SLC67A1: variants seen among roughly 807,000 people sequenced by gnomAD.
The protein encoded by SLC67A1 is solute carrier family 67 member 1, also known as solute carrier family 67 member A1.
the SLC67A1 span, chr11:2,916,629 T>G: frequency 1.2e-6 from 2 of 1,611,848 alleles, no homozygotes; most frequent in Non-Finnish European, 1.7e-6. Flanking sequence ...CAGGATTCAG[T>G]GCCCGGCCAT....
At chr11:2,924,536 G>A in the SLC67A1 span, among the ~76,000 whole-genome samples, 3 of 152,330 alleles carry the variant, frequency 2.0e-5, no homozygotes, top group African/African-American at 7.2e-5. This position sits in a 1 kb window ranked among gnomAD's most constrained non-coding sequence, Gnocchi z 8.6. Flanking sequence ...CTGGGAAAGA[G>A]CCGTGAGAGC....
chr11:2,902,411 C>T, the SLC67A1 span: 1 of 182,140 alleles, frequency 5.5e-6, no homozygotes, highest in Non-Finnish European at 1.0e-5. Context: ...CCCCGAACCC[C>T]GAACTCCGGC....
At chr11:2,902,617 T>G in the SLC67A1 span, 2 of 985,248 alleles carry the variant, frequency 2.0e-6, no homozygotes, top group Non-Finnish European at 2.4e-6. Flanking sequence ...GCTGTTAATG[T>G]GGCAAAATTT....
the SLC67A1 span, among the ~76,000 whole-genome samples, chr11:2,904,856 G>C: frequency 1.3e-5 from 2 of 152,220 alleles, no homozygotes; most frequent in Non-Finnish European, 2.9e-5. Flanking sequence ...AGAGTGGCTA[G>C]AGTGGACCGG....
At chr11:2,925,219 G>A in the SLC67A1 span, 139 of 1,605,212 alleles carry the variant, frequency 8.7e-5, no homozygotes, top group African/African-American at 1.4e-3. This position sits in a 1 kb window ranked among gnomAD's most constrained non-coding sequence, Gnocchi z 6.5. Context: ...ACACAGACTG[G>A]CAATAAACTC....
the SLC67A1 span, among the ~76,000 whole-genome samples, chr11:2,913,472 C>G: frequency 1.3e-5 from 2 of 152,096 alleles, no homozygotes; most frequent in African/African-American, 2.4e-5. Context: ...GGACCAGGTA[C>G]GAGGAGACAC....
chr11:2,909,485 C>A, the SLC67A1 span: 1 of 1,274,572 alleles, frequency 7.8e-7, no homozygotes. Flanking sequence ...GGGTGGGGGG[C>A]GACGTGGGGC....
the SLC67A1 span, among the ~76,000 whole-genome samples, chr11:2,917,383 G>C: frequency 6.6e-6 from 1 of 152,218 alleles, no homozygotes; most frequent in Admixed American, 6.5e-5. Flanking sequence ...AACCTAGAAA[G>C]TCCAGGGGGA....
the SLC67A1 span, chr11:2,924,972 A>T: frequency 3.9e-6 from 6 of 1,556,336 alleles, no homozygotes; most frequent in South Asian, 7.2e-5. The surrounding 1 kb of genome is among the most constrained non-coding windows in gnomAD (Gnocchi z 8.6). Flanking sequence ...TGGCCCAGGG[A>T]GCTGCCCAGG....
the SLC67A1 span, among the ~76,000 whole-genome samples, chr11:2,906,386 T>A: frequency 3.3e-5 from 5 of 152,214 alleles, no homozygotes; most frequent in Non-Finnish European, 7.3e-5. Context: ...CCCAAAGGAT[T>A]ATAAATCATG....
At chr11:2,909,307 C>T in the SLC67A1 span, 1 of 1,534,010 alleles carries the variant, frequency 6.5e-7, no homozygotes, top group South Asian at 1.2e-5. Context: ...CCGGGGTCTA[C>T]CTGCTCTTCG....
chr11:2,922,321 G>C, the SLC67A1 span: 1 of 1,524,414 alleles, frequency 6.6e-7, no homozygotes, highest in South Asian at 1.2e-5. Context: ...CACCCACCCG[G>C]GGCCAGCTCT....
At chr11:2,910,967 C>A in the SLC67A1 span, among the ~76,000 whole-genome samples, 1 of 152,114 alleles carries the variant, frequency 6.6e-6, no homozygotes, top group African/African-American at 2.4e-5. Flanking sequence ...GAGCCCTGCG[C>A]CCCCCAGCAC....
At chr11:2,922,638 G>T in the SLC67A1 span, 7 of 689,528 alleles carry the variant, frequency 1.0e-5, no homozygotes, top group South Asian at 2.1e-5. Flanking sequence ...GCAGCCTAGG[G>T]TCTGTGTGGG....
chr11:2,916,415 G>A, the SLC67A1 span: 1 of 516,740 alleles, frequency 1.9e-6, no homozygotes, highest in South Asian at 3.0e-5. Flanking sequence ...GTCAGGGATG[G>A]TGAGCGCCCC....
At chr11:2,919,189 A>G in the SLC67A1 span, 1 of 720,010 alleles carries the variant, frequency 1.4e-6, no homozygotes, top group Non-Finnish European at 2.5e-6. Flanking sequence ...CCCTCCCTGA[A>G]CCAGTCACCA....
chr11:2,916,591 C>G, the SLC67A1 span: 1 of 1,570,882 alleles, frequency 6.4e-7, no homozygotes, highest in Non-Finnish European at 8.7e-7. Context: ...CTGGGACCCG[C>G]ACCCTGTGCA....
the SLC67A1 span, among the ~76,000 whole-genome samples, chr11:2,913,169 G>A: frequency 1.3e-5 from 2 of 152,182 alleles, no homozygotes; most frequent in East Asian, 3.9e-4. Flanking sequence ...GGAGCAGCAG[G>A]ATATGGGCGA....
At chr11:2,914,502 G>A in the SLC67A1 span, among the ~76,000 whole-genome samples, 1 of 152,122 alleles carries the variant, frequency 6.6e-6, no homozygotes, top group Admixed American at 6.5e-5. Context: ...TGTGACTGGG[G>A]AAGGACAGCC....
Sources: gnomAD v4.1 joint callset for allele counts (sites outside exome capture counted in the v4.1 genomes callset) on GRCh38, gnomAD v4.1.1 for gene constraint, Gnocchi (gnomAD v3.1) non-coding constraint, MANE v1.5 for transcripts, NCBI Gene and HGNC (gene_info 2026-07-23, HGNC 2026-07-21) for gene names.